RIMS2: variants seen among roughly 807,000 people sequenced by gnomAD.
RIMS2 encodes the protein regulating synaptic membrane exocytosis protein 2.
A neutral mutation model predicts 174.4 loss-of-function variants in RIMS2; 59 were observed. That is an observed-to-expected ratio of 0.34 (90% CI 0.27 to 0.42). The LOEUF is 0.42. Ranked by LOEUF, RIMS2 falls within the 10% of genes least tolerant of loss-of-function variation. The probability of loss-of-function intolerance (pLI) is 1.00; values close to 1 mark genes in which losing one functional copy is unlikely to be tolerated. For missense variants in RIMS2, 1,620 were observed against 1,666.3 expected, an observed-to-expected ratio of 0.97 and a Z score of 0.48; for synonymous variants, 606 against 572.5, an observed-to-expected ratio of 1.06 and a Z score of -0.84.
At chr8:103,662,770 G>A (rs938013153) in intron 1 of RIMS2, among the ~76,000 whole-genome samples, 2 of 151,908 alleles carry the variant, frequency 1.3e-5, no homozygotes, top group Admixed American at 1.3e-4. Context: ...AGCTACAAGT[G>A]TAATTTTTAC....
intron 19 of RIMS2, among the ~76,000 whole-genome samples, chr8:104,073,491 A>G (rs751924537): frequency 6.6e-6 from 1 of 152,154 alleles, no homozygotes; most frequent in Non-Finnish European, 1.5e-5. Flanking sequence ...TGTTGTGGCA[A>G]TACTTCTACA....
intron 1 of RIMS2, among the ~76,000 whole-genome samples, chr8:103,549,700 A>G (rs1448021878): frequency 1.3e-5 from 2 of 152,254 alleles, no homozygotes; most frequent in Non-Finnish European, 2.9e-5. Context: ...GTCAAGACCC[A>G]TCAGTGTGCT....
intron 3 of RIMS2, among the ~76,000 whole-genome samples, chr8:103,818,756 T>A (rs2098733573): frequency 6.6e-6 from 1 of 152,166 alleles, no homozygotes; most frequent in Non-Finnish European, 1.5e-5. Context: ...TATCCACTTT[T>A]CTTTAAAAAT....
At chr8:104,181,458 A>C (rs538128543) in intron 19 of RIMS2, among the ~76,000 whole-genome samples, 41 of 151,742 alleles carry the variant, frequency 2.7e-4, no homozygotes, top group Non-Finnish European at 2.1e-4. Flanking sequence ...TAAAATCTTT[A>C]ATCTGAGCCG....
At chr8:103,815,690 G>A (rs1354433357) in intron 3 of RIMS2, among the ~76,000 whole-genome samples, 2 of 151,854 alleles carry the variant, frequency 1.3e-5, no homozygotes, top group Non-Finnish European at 2.9e-5. Context: ...ATAGAGACTT[G>A]GACAAAGAAA....
At chr8:103,708,934 C>T (rs1478156117) in intron 2 of RIMS2, among the ~76,000 whole-genome samples, 10 of 152,122 alleles carry the variant, frequency 6.6e-5, no homozygotes, top group African/African-American at 2.4e-4. Context: ...TTGTAATTGT[C>T]CTACAGCTCA....
At chr8:103,919,147 A>T (rs967155519) in intron 9 of RIMS2, among the ~76,000 whole-genome samples, 3 of 152,114 alleles carry the variant, frequency 2.0e-5, no homozygotes, top group Non-Finnish European at 2.9e-5. Flanking sequence ...ACAGTAAGGG[A>T]TATTGGGAGA....
At chr8:103,871,715 G>T (rs562444900) in intron 3 of RIMS2, among the ~76,000 whole-genome samples, 1 of 152,106 alleles carries the variant, frequency 6.6e-6, no homozygotes, top group African/African-American at 2.4e-5. Flanking sequence ...TGTAGGATCA[G>T]GGGTAGAATG....
intron 19 of RIMS2, among the ~76,000 whole-genome samples, chr8:104,163,010 G>C (rs188998329): frequency 1.2e-4 from 18 of 152,252 alleles, no homozygotes; most frequent in Admixed American, 2.6e-4. Flanking sequence ...CACAGTTGCA[G>C]TTATTTGATA....
At chr8:104,018,229 CAT>C (rs1056390686) in intron 19 of RIMS2, among the ~76,000 whole-genome samples, 1 of 152,038 alleles carries the variant, frequency 6.6e-6, no homozygotes, top group African/African-American at 2.4e-5. Flanking sequence ...AGAAACTGAG[CAT>C]GTGGAAGAGC....
At chr8:104,121,792 T>C (rs1208574866) in intron 19 of RIMS2, among the ~76,000 whole-genome samples, 1 of 151,770 alleles carries the variant, frequency 6.6e-6, no homozygotes, top group African/African-American at 2.4e-5. Flanking sequence ...TGAAACCTCG[T>C]CTCTACTAAA....
intron 19 of RIMS2, among the ~76,000 whole-genome samples, chr8:104,216,954 G>A (rs925915144): frequency 6.6e-6 from 1 of 152,160 alleles, no homozygotes; most frequent in Admixed American, 6.5e-5. Flanking sequence ...AAAATTAAAT[G>A]AGACAATGCA....
chr8:103,923,099 A>G (rs1389274987), intron 10 of RIMS2, among the ~76,000 whole-genome samples: 4 of 151,938 alleles, frequency 2.6e-5, no homozygotes, highest in African/African-American at 9.7e-5. Context: ...ATTCTTACAT[A>G]TATCGACAGC....
intron 19 of RIMS2, among the ~76,000 whole-genome samples, chr8:104,119,487 T>C (rs1211669606): frequency 2.0e-5 from 3 of 152,314 alleles, no homozygotes; most frequent in Non-Finnish European, 2.9e-5. Context: ...GCCCATAAGA[T>C]TGAAGAGTAA....
chr8:103,624,532 T>C (rs997630283), intron 1 of RIMS2, among the ~76,000 whole-genome samples: 3 of 152,180 alleles, frequency 2.0e-5, no homozygotes, highest in African/African-American at 7.2e-5. Context: ...TTTATATATA[T>C]GACAAGGTTT....
At chr8:103,638,030 G>A (rs889053068) in intron 1 of RIMS2, among the ~76,000 whole-genome samples, 4 of 152,044 alleles carry the variant, frequency 2.6e-5, no homozygotes, top group South Asian at 4.1e-4. Flanking sequence ...GAAGTTATTG[G>A]AAGAATACCA....
intron 1 of RIMS2, among the ~76,000 whole-genome samples, chr8:103,599,155 C>G (rs1272790043): frequency 6.6e-6 from 1 of 151,942 alleles, no homozygotes; most frequent in African/African-American, 2.4e-5. Flanking sequence ...CTACTACTTA[C>G]AGTTGTACAG....
At chr8:104,127,073 G>A (rs1007869974) in intron 19 of RIMS2, among the ~76,000 whole-genome samples, 7 of 152,040 alleles carry the variant, frequency 4.6e-5, no homozygotes, top group African/African-American at 1.4e-4. Context: ...AATTATTTCA[G>A]TGGTTTTTGT....
chr8:103,612,976 C>T (rs548587901), intron 1 of RIMS2, among the ~76,000 whole-genome samples: 8 of 152,280 alleles, frequency 5.3e-5, no homozygotes, highest in East Asian at 3.9e-4. Context: ...CTTGTGGCTA[C>T]GACCACTGAT....
Sources: allele counts gnomAD v4.1 joint callset (sites outside exome capture counted in the v4.1 genomes callset), GRCh38; gene constraint gnomAD v4.1.1; transcripts MANE v1.5; gene names NCBI Gene and HGNC (gene_info 2026-07-23, HGNC 2026-07-21).